The following RBMS3 variants were observed in gnomAD, a reference collection of about 807,000 sequenced individuals.
The protein encoded by RBMS3 is RNA binding motif single stranded interacting protein 3.
A neutral mutation model predicts 66.8 loss-of-function variants in RBMS3; 27 were observed. The ratio of observed to expected loss-of-function variants is 0.40; its 90% CI spans 0.30 to 0.56. The LOEUF (loss-of-function observed/expected upper bound fraction) is 0.56, where lower values mean the gene tolerates loss of function less well. Among genes scored for constraint, RBMS3 ranks in the 20% least tolerant of loss-of-function variants. The pLI, the probability that RBMS3 is intolerant of heterozygous loss-of-function variation, is 0.40. For synonymous variants in RBMS3, 188 were observed against 183.0 expected (o/e 1.03, Z -0.22); for missense variants, 513 against 549.5 (o/e 0.93, Z 0.66).
chr3:29,365,216 T>A (rs1419114230), intron 1 of RBMS3, among the ~76,000 whole-genome samples: 2 of 152,190 alleles, frequency 1.3e-5, no homozygotes, highest in East Asian at 3.9e-4. Flanking sequence ...AATGGAAATT[T>A]TATAAATGGA....
intron 4 of RBMS3, among the ~76,000 whole-genome samples, chr3:29,731,650 A>G (rs2054141315): frequency 1.3e-5 from 2 of 152,170 alleles, no homozygotes; most frequent in South Asian, 2.1e-4. Context: ...TTGCCTAGTC[A>G]GAGGCACTGG....
intron 4 of RBMS3, among the ~76,000 whole-genome samples, chr3:29,587,931 T>C (rs2047590992): frequency 6.6e-6 from 1 of 152,074 alleles, no homozygotes; most frequent in African/African-American, 2.4e-5. Context: ...AATCCTTTTG[T>C]GTCCTGATTG....
intron 3 of RBMS3, among the ~76,000 whole-genome samples, chr3:29,507,348 T>C (rs1401827346): frequency 6.6e-6 from 1 of 152,078 alleles, no homozygotes; most frequent in Non-Finnish European, 1.5e-5. Context: ...TGCTTTGTAT[T>C]CCTGAAAACT....
In RBMS3 at chr3:29,941,591, G is replaced by T. The variant is rs142083226; in HGVS notation, c.1051-2616G>T. On this transcript the variant is annotated intron_variant, in intron 11 of 14. Coordinates refer to ENST00000383767, the MANE Select transcript of RBMS3 (RefSeq NM_001003793.3). ...GAAGGGAGTCTTATAAACAATAAAT[G>T]AGCTGGCATTAAGTGTAAGTCTAGT... 5.0e-3 allele frequency among the ~76,000 whole-genome samples: 761 copies of T among 151,842 alleles called. 14 individuals carry two copies. Among genetic ancestry groups the T allele is most frequent in the African/African-American group, 0.018 (732 of 41,478 alleles).
At chr3:29,788,254 G>A (rs894486794) in intron 6 of RBMS3, among the ~76,000 whole-genome samples, 1 of 130,676 alleles carries the variant, frequency 7.7e-6, no homozygotes, top group Non-Finnish European at 1.6e-5. Context: ...TAATTTTAAT[G>A]GTAATTAAAA....
intron 1 of RBMS3, among the ~76,000 whole-genome samples, chr3:29,420,981 C>T (rs937091358): frequency 4.1e-5 from 6 of 146,576 alleles, no homozygotes; most frequent in African/African-American, 7.4e-5. Context: ...GGCGTGGTGG[C>T]GGGCGCCTGT....
chr3:29,613,985 T>G (rs1181370574), intron 4 of RBMS3, among the ~76,000 whole-genome samples: 2 of 152,064 alleles, frequency 1.3e-5, no homozygotes, highest in African/African-American at 4.8e-5. Context: ...AGTATATATC[T>G]AAAGGAAATA....
At chr3:29,673,417 T>G (rs1003363764) in intron 4 of RBMS3, among the ~76,000 whole-genome samples, 4 of 143,938 alleles carry the variant, frequency 2.8e-5, no homozygotes, top group Admixed American at 6.9e-5. Flanking sequence ...CTGAAGGAAA[T>G]AGAGACACAA....
chr3:29,287,691 TTTG>T (rs2032471360), intron 1 of RBMS3, among the ~76,000 whole-genome samples: 1 of 152,044 alleles, frequency 6.6e-6, no homozygotes, highest in African/African-American at 2.4e-5. Context: ...TGAAATAATA[TTTG>T]TTAATAAAAA....
intron 4 of RBMS3, among the ~76,000 whole-genome samples, chr3:29,645,860 G>A (rs192183345): frequency 6.6e-6 from 1 of 152,276 alleles, no homozygotes; most frequent in East Asian, 1.9e-4. Context: ...TTACCACTGG[G>A]TCACTGGCCT....
rs552271675 is a variant in RBMS3, at chr3:29,533,643, G to A, written c.307+45144G>A. On this transcript the variant is annotated intron_variant, in intron 3 of 14. Coordinates refer to ENST00000383767, the MANE Select transcript of RBMS3 (RefSeq NM_001003793.3). ...ATATAAAAACTTAGTGGGGCATGATGGCACATGCCTGTAGTCCCAGGTACT... is the reference window on the plus strand; with the variant it reads ...ATATAAAAACTTAGTGGGGCATGATAGCACATGCCTGTAGTCCCAGGTACT... 4.6e-5 allele frequency among the ~76,000 whole-genome samples: 7 copies of A among 152,236 alleles called. No homozygotes were observed. In the East Asian group the frequency reaches 1.4e-3, roughly 30 times the overall value.
At chr3:29,865,729 G>A (rs77660904) in intron 6 of RBMS3, among the ~76,000 whole-genome samples, 6,838 of 152,142 alleles carry the variant, frequency 0.045, 186 homozygotes, top group Non-Finnish European at 0.066. Context: ...GGTCACTGAT[G>A]GCCCATCATG....
intron 6 of RBMS3, among the ~76,000 whole-genome samples, chr3:29,852,563 C>T (rs188491177): frequency 2.0e-5 from 3 of 152,252 alleles, no homozygotes; most frequent in East Asian, 3.9e-4. Context: ...TGAAAAAAAG[C>T]TCATCATCAC....
chr3:29,302,425 T>C (rs1372589424), intron 1 of RBMS3, among the ~76,000 whole-genome samples: 1 of 152,070 alleles, frequency 6.6e-6, no homozygotes, highest in Non-Finnish European at 1.5e-5. Flanking sequence ...GTTTATGTTT[T>C]ACCCTCCCTG....
At chr3:29,552,844 A>AGGTAGTATCTG (rs1409020200) in intron 3 of RBMS3, among the ~76,000 whole-genome samples, 1 of 152,104 alleles carries the variant, frequency 6.6e-6, no homozygotes, top group Non-Finnish European at 1.5e-5. Flanking sequence ...ATGTATCTCT[A>AGGTAGTATCTG]GGTAGTATCT....
chr3:29,621,160 A>G (rs1451663883), intron 4 of RBMS3, among the ~76,000 whole-genome samples: 2 of 150,168 alleles, frequency 1.3e-5, no homozygotes, highest in Non-Finnish European at 3.0e-5. Flanking sequence ...TTATTTATTC[A>G]TGTGTTCTTG....
chr3:29,903,725 C>T (rs1040882024), intron 10 of RBMS3, among the ~76,000 whole-genome samples: 4 of 151,878 alleles, frequency 2.6e-5, no homozygotes, highest in African/African-American at 9.7e-5. Flanking sequence ...GTTATATCAT[C>T]TCAAGGAGAA....
At chr3:29,836,306 T>C (rs2058506598) in intron 6 of RBMS3, among the ~76,000 whole-genome samples, 1 of 152,038 alleles carries the variant, frequency 6.6e-6, no homozygotes. Flanking sequence ...AAGGACACCA[T>C]GAGAACAGAA....
intron 2 of RBMS3, among the ~76,000 whole-genome samples, chr3:29,439,613 T>TTTATTTATTTA (rs1180432400): frequency 1.6e-5 from 1 of 62,396 alleles, no homozygotes; most frequent in Non-Finnish European, 3.0e-5. Flanking sequence ...TTATTTATTT[T>TTTATTTATTTA]TATTATTATT....
Sources: gnomAD v4.1 joint callset for allele counts (sites outside exome capture counted in the v4.1 genomes callset) on GRCh38, gnomAD v4.1.1 for gene constraint, MANE v1.5 for transcripts, NCBI Gene and HGNC (gene_info 2026-07-23, HGNC 2026-07-21) for gene names.